Variants in ASIC2 observed in about 807,000 individuals in gnomAD.
ASIC2 encodes acid-sensing ion channel 2.
Under a neutral mutation model 57.3 loss-of-function variants are expected in ASIC2, and 25 were observed. That is an observed-to-expected ratio of 0.44 (90% CI 0.32 to 0.61). The LOEUF is 0.61. Ranked by LOEUF, ASIC2 falls within the 20% of genes least tolerant of loss-of-function variation. ASIC2 has a pLI of 0.06. For synonymous variants in ASIC2, 319 were observed against 307.5 expected, an observed-to-expected ratio of 1.04 and a Z score of -0.39; for missense variants, 641 against 738.1, an observed-to-expected ratio of 0.87 and a Z score of 1.52.
intron 1 of ASIC2, among the ~76,000 whole-genome samples, chr17:33,363,802 G>A (rs1006932359): frequency 6.6e-6 from 1 of 152,184 alleles, no homozygotes; most frequent in African/African-American, 2.4e-5. Flanking sequence ...TTGCTTGTTT[G>A]CTTTCCATCT....
intron 1 of ASIC2, among the ~76,000 whole-genome samples, chr17:33,873,312 G>A (rs1914467424): frequency 6.6e-6 from 1 of 152,182 alleles, no homozygotes; most frequent in Non-Finnish European, 1.5e-5. Flanking sequence ...CACACAAACT[G>A]ACTTCAGAGA....
chr17:33,446,992 T>C lies in ASIC2; in HGVS notation c.556-334925A>G, dbSNP rs576864582. Among the ~76,000 whole-genome samples the C allele has an allele frequency of 1.1e-3, 170 of 152,304 alleles. 4 individuals are homozygous for C. In the South Asian group the frequency reaches 0.033, roughly 30 times the overall value. On this transcript the variant is annotated intron_variant, in intron 1 of 9. Transcript: ENST00000359872. ...AAGTGTTTTATAAACTGAACGTCACTATTTTTCACCCCCATCCTGCCTGGC... is the reference window on the plus strand; with the variant it reads ...AAGTGTTTTATAAACTGAACGTCACCATTTTTCACCCCCATCCTGCCTGGC...
At chr17:33,170,559 T>C (rs541027647) in intron 1 of ASIC2, among the ~76,000 whole-genome samples, 1 of 152,308 alleles carries the variant, frequency 6.6e-6, no homozygotes, top group Non-Finnish European at 1.5e-5. Flanking sequence ...TGCCCGTCCC[T>C]TTCATGTAGG....
chr17:33,607,186 A>G (rs897212360), intron 1 of ASIC2, among the ~76,000 whole-genome samples: 5 of 152,162 alleles, frequency 3.3e-5, no homozygotes, highest in Admixed American at 1.3e-4. Context: ...GAGCAGACCA[A>G]TAAAGGCCAA....
chr17:33,864,241 T>C (rs1955311639), intron 1 of ASIC2, among the ~76,000 whole-genome samples: 1 of 152,236 alleles, frequency 6.6e-6, no homozygotes, highest in African/African-American at 2.4e-5. Context: ...GATAATATTT[T>C]ACCATTTATG....
chr17:34,070,614 C>G (rs923044337), intron 1 of ASIC2: 1 of 152,126 alleles, frequency 6.6e-6, no homozygotes, highest in Non-Finnish European at 1.5e-5. Context: ...CATAGAGATA[C>G]AAGATGGCCT....
chr17:33,019,208 G>A (rs746703530), intron 7 of ASIC2, among the ~76,000 whole-genome samples: 4 of 152,072 alleles, frequency 2.6e-5, no homozygotes, highest in East Asian at 3.9e-4. Flanking sequence ...GTGTGTGCAC[G>A]TATTTGTATA....
chr17:33,347,762 C>T (rs1015473423), intron 1 of ASIC2, among the ~76,000 whole-genome samples: 3 of 152,108 alleles, frequency 2.0e-5, no homozygotes, highest in Admixed American at 2.0e-4. Context: ...TTGGCAATGA[C>T]AAGGTCAAAA....
intron 1 of ASIC2, among the ~76,000 whole-genome samples, chr17:34,150,265 TC>T (rs1425808760): frequency 6.6e-6 from 1 of 152,114 alleles, no homozygotes; most frequent in Non-Finnish European, 1.5e-5. Context: ...GAGATATGGA[TC>T]AAAGGACATA....
At chr17:33,606,611 A>G (rs1343485585) in intron 1 of ASIC2, among the ~76,000 whole-genome samples, 1 of 150,486 alleles carries the variant, frequency 6.6e-6, no homozygotes, top group Non-Finnish European at 1.5e-5. Context: ...CTCCAACTAC[A>G]CTGTTGAGGG....
intron 1 of ASIC2, among the ~76,000 whole-genome samples, chr17:33,982,321 G>C (rs528500693): frequency 1.3e-5 from 2 of 152,194 alleles, no homozygotes; most frequent in Non-Finnish European, 2.9e-5. Context: ...CCTGCTTCCT[G>C]GGCAAGAGAA....
intron 1 of ASIC2, among the ~76,000 whole-genome samples, chr17:34,133,301 G>A (rs34964894): frequency 0.47 from 70,901 of 151,066 alleles, 16,918 homozygotes; most frequent in Middle Eastern, 0.54. Flanking sequence ...AGGGGAAGGG[G>A]TAGTGTCCCT....
chr17:33,562,267 C>T (rs1916097017), intron 1 of ASIC2, among the ~76,000 whole-genome samples: 1 of 151,836 alleles, frequency 6.6e-6, no homozygotes, highest in Non-Finnish European at 1.5e-5. Context: ...GGCTATCTTT[C>T]CCAATACAGT....
At chr17:33,256,442 A>G (rs192024519) in intron 1 of ASIC2, among the ~76,000 whole-genome samples, 8 of 152,280 alleles carry the variant, frequency 5.3e-5, no homozygotes, top group African/African-American at 1.9e-4. Context: ...TATACTTCCT[A>G]TTATATTTTT....
intron 1 of ASIC2, among the ~76,000 whole-genome samples, chr17:33,413,678 TCAGCCTTGGCCCATCCTTTTCC>T (rs1910740392): frequency 6.6e-6 from 1 of 152,252 alleles, no homozygotes; most frequent in Non-Finnish European, 1.5e-5. Flanking sequence ...TTTCACATGT[TCAGCCTTGGCCCATCCTTTTCC>T]CAGCCTTGGC....
intron 1 of ASIC2, among the ~76,000 whole-genome samples, chr17:33,235,663 G>A (rs1908268806): frequency 6.6e-6 from 1 of 152,064 alleles, no homozygotes; most frequent in African/African-American, 2.4e-5. Flanking sequence ...TTTGCAGAAG[G>A]AACCTGCCCT....
chr17:33,674,193 C>T (rs1024206078), intron 1 of ASIC2, among the ~76,000 whole-genome samples: 1 of 152,030 alleles, frequency 6.6e-6, no homozygotes, highest in African/African-American at 2.4e-5. Context: ...GAGCCTGGCC[C>T]GTGTCTTTAG....
intron 1 of ASIC2, among the ~76,000 whole-genome samples, chr17:33,244,483 A>G (rs918093828): frequency 5.3e-5 from 8 of 152,252 alleles, no homozygotes; most frequent in Non-Finnish European, 1.0e-4. Flanking sequence ...AATATGCATT[A>G]GATATAACTT....
At chr17:33,463,149 A>G (rs1355345544) in intron 1 of ASIC2, among the ~76,000 whole-genome samples, 1 of 152,126 alleles carries the variant, frequency 6.6e-6, no homozygotes, top group African/African-American at 2.4e-5. Context: ...TTCTAATGGC[A>G]TCTTCATTTG....
Sources: allele counts gnomAD v4.1 joint callset (sites outside exome capture counted in the v4.1 genomes callset), GRCh38; gene constraint gnomAD v4.1.1; transcripts MANE v1.5; gene names NCBI Gene and HGNC (gene_info 2026-07-23, HGNC 2026-07-21).